NAALADL2: variants seen among roughly 807,000 people sequenced by gnomAD.
NAALADL2 encodes N-acetylated alpha-linked acidic dipeptidase like 2.
A neutral mutation model predicts 87.2 loss-of-function variants in NAALADL2; 76 were observed. The observed-to-expected ratio is 0.87, with a 90% CI of 0.72 to 1.05. The LOEUF is 1.05. NAALADL2 is among the 50% of genes least tolerant of loss of function. The probability of loss-of-function intolerance (pLI) is 0.00; values close to 1 mark genes in which losing one functional copy is unlikely to be tolerated. For synonymous variants in NAALADL2, 354 were observed against 331.0 expected (o/e 1.07, Z -0.75); for missense variants, 1,089 against 945.8 (o/e 1.15, Z -1.99).
chr3:175,374,029 A>G (rs1560453634), intron 5 of NAALADL2, among the ~76,000 whole-genome samples: 1 of 152,040 alleles, frequency 6.6e-6, no homozygotes. Flanking sequence ...ATTTTTTTAT[A>G]TATTTCAGAT....
intron 13 of NAALADL2, among the ~76,000 whole-genome samples, chr3:175,780,837 T>A (rs1032155356): frequency 6.6e-6 from 1 of 152,234 alleles, no homozygotes; most frequent in Non-Finnish European, 1.5e-5. Flanking sequence ...CTGCGATAAA[T>A]ATAGCAATAT....
chr3:175,047,769 C>A (rs1403773219), intron 1 of NAALADL2, among the ~76,000 whole-genome samples: 1 of 152,096 alleles, frequency 6.6e-6, no homozygotes, highest in Non-Finnish European at 1.5e-5. Flanking sequence ...TTAAAACATA[C>A]ATGAAAAACT....
intron 5 of NAALADL2, among the ~76,000 whole-genome samples, chr3:175,372,964 T>C (rs1156477078): frequency 6.6e-6 from 1 of 152,258 alleles, no homozygotes; most frequent in East Asian, 1.9e-4. Context: ...GTATTACGTT[T>C]GTGGCCAGAC....
chr3:175,803,095 G>A lies in NAALADL2; in HGVS notation c.2280G>A (p.Glu760=). ...ACTGCAAACCCCTTGCATCAAATGA[G>A]ACCCTTCAAGAAGCCCTGTCAGAGG... ...WEHCKPLASN[E]TLQEALSEVL... Residue 760 remains glutamate, a synonymous_variant, in exon 14 of 14, where the codon GAG becomes GAA. Transcript: ENST00000454872. 1.9e-6 allele frequency: 3 copies of A among 1,612,474 alleles called. No individual in the cohort carries two copies. Among genetic ancestry groups the A allele is most frequent in the Non-Finnish European group, 2.5e-6 (3 of 1,179,020 alleles).
chr3:175,037,205 C>T (rs73034442), intron 1 of NAALADL2, among the ~76,000 whole-genome samples: 5,024 of 152,162 alleles, frequency 0.033, 95 homozygotes, highest in African/African-American at 0.039. Flanking sequence ...CCCACTTGTC[C>T]TCCAGGACAA....
intron 12 of NAALADL2, among the ~76,000 whole-genome samples, chr3:175,749,553 CAAAG>C (rs149197306): frequency 0.081 from 12,372 of 152,032 alleles, 504 homozygotes; most frequent in Middle Eastern, 0.1. Flanking sequence ...GAGGGGAAAA[CAAAG>C]AGAGAGAACC....
At chr3:175,180,786 T>G (rs781314441) in intron 2 of NAALADL2, among the ~76,000 whole-genome samples, 1 of 151,794 alleles carries the variant, frequency 6.6e-6, no homozygotes, top group Non-Finnish European at 1.5e-5. Flanking sequence ...ATTTGTTATG[T>G]TGCTGGCACT....
Position 174,792,918 on chromosome 3 carries a change from G to T in NAALADL2, c.-9+55172G>T, listed in dbSNP as rs986631045. Among the ~76,000 whole-genome samples the T allele has an allele frequency of 4.6e-5, 7 of 152,140 alleles. No individual in the cohort carries two copies. In the South Asian group the frequency reaches 1.2e-3, roughly 27 times the overall value. ...ATATGTTTCACTGCCAGCTTTAAAG[G>T]GTTTGGCAGTATACTTTTTTTCTTT... On this transcript the variant is annotated intron_variant, in intron 3 of 3. Coordinates refer to the NAALADL2 transcript ENST00000434257.
At chr3:175,207,614 TC>T (rs1390980385) in intron 2 of NAALADL2, among the ~76,000 whole-genome samples, 1 of 152,166 alleles carries the variant, frequency 6.6e-6, no homozygotes, top group Non-Finnish European at 1.5e-5. Flanking sequence ...TTCCTCAACA[TC>T]TGCATCCTTT....
intron 2 of NAALADL2, among the ~76,000 whole-genome samples, chr3:175,158,425 T>C (rs1441112644): frequency 1.3e-5 from 2 of 151,864 alleles, no homozygotes; most frequent in African/African-American, 4.8e-5. Flanking sequence ...AACCCAAAAC[T>C]TGATGATACA....
chr3:174,810,250 A>T (rs2109291440), intron 3 of NAALADL2, among the ~76,000 whole-genome samples: 2 of 152,292 alleles, frequency 1.3e-5, no homozygotes, highest in South Asian at 4.1e-4. Context: ...TAATGGACAG[A>T]GGGTGAAAGA....
At chr3:175,131,432 G>A (rs1560067064) in intron 2 of NAALADL2, among the ~76,000 whole-genome samples, 1 of 152,034 alleles carries the variant, frequency 6.6e-6, no homozygotes, top group Non-Finnish European at 1.5e-5. Context: ...AACCCTGAGT[G>A]GACACAGCAC....
intron 1 of NAALADL2, among the ~76,000 whole-genome samples, chr3:175,008,238 G>A (rs1338134059): frequency 6.6e-6 from 1 of 152,008 alleles, no homozygotes; most frequent in African/African-American, 2.4e-5. Context: ...AAATAAATAA[G>A]CCTGCCATGG....
intron 13 of NAALADL2, among the ~76,000 whole-genome samples, chr3:175,799,448 G>A (rs1753879604): frequency 6.6e-6 from 1 of 151,754 alleles, no homozygotes; most frequent in African/African-American, 2.4e-5. Flanking sequence ...TTATATTTAT[G>A]TTTGTTTGAA....
chr3:174,964,725 T>C (rs1742614565), intron 1 of NAALADL2, among the ~76,000 whole-genome samples: 1 of 152,052 alleles, frequency 6.6e-6, no homozygotes, highest in Admixed American at 6.6e-5. Context: ...CAGTGGCTCA[T>C]ATATTCCTCC....
chr3:175,726,130 A>G lies in NAALADL2; in HGVS notation c.1897-11176A>G, dbSNP rs1561041441. On this transcript the variant is annotated intron_variant, in intron 11 of 13. Coordinates refer to ENST00000454872, the MANE Select transcript of NAALADL2 (RefSeq NM_207015.3). The stretch of plus-strand genomic sequence containing the variant: ...CAAAACATGACTATATCACTGAAAA[A>G]TAGTCATTAAAAATGCCAAAAAGCT... Among the ~76,000 whole-genome samples, 3 of 152,238 alleles carry G rather than the reference A, an allele frequency of 2.0e-5. No homozygotes were observed. The South Asian group carries it at 6.2e-4, about 32-fold the overall frequency.
chr3:175,300,779 ATTTATTTATTTTAT>A (rs1178716391), intron 4 of NAALADL2, among the ~76,000 whole-genome samples: 6 of 139,856 alleles, frequency 4.3e-5, no homozygotes, highest in East Asian at 2.0e-4. Flanking sequence ...TTATTTATTT[ATTTATTTATTTTAT>A]TTTATTTTAT....
chr3:174,682,128 G>T (rs1245973141), intron 2 of NAALADL2, among the ~76,000 whole-genome samples: 7 of 152,182 alleles, frequency 4.6e-5, no homozygotes, highest in Non-Finnish European at 1.0e-4. Context: ...GGAGAGAAGG[G>T]GGAAGAGTGA....
chr3:175,129,438 A>T (rs1727464929), intron 2 of NAALADL2, among the ~76,000 whole-genome samples: 1 of 152,044 alleles, frequency 6.6e-6, no homozygotes, highest in Non-Finnish European at 1.5e-5. Context: ...CTTTTAACTA[A>T]AAACTTTGTA....
Sources: allele counts gnomAD v4.1 joint callset (sites outside exome capture counted in the v4.1 genomes callset), GRCh38; gene constraint gnomAD v4.1.1; transcripts MANE v1.5; gene names NCBI Gene and HGNC (gene_info 2026-07-23, HGNC 2026-07-21).